The following TSHR variants were observed in gnomAD, a reference collection of about 807,000 sequenced individuals.
TSHR encodes thyrotropin receptor.
TSHR carries 51 observed loss-of-function variants against 64.1 expected under a neutral mutation model. The observed-to-expected ratio is 0.80, with a 90% CI of 0.64 to 1.01. The LOEUF is 1.01. TSHR is among the 50% of genes least tolerant of loss of function. The pLI is 0.00. For missense variants in TSHR, 877 were observed against 942.8 expected (o/e 0.93, Z 0.91); for synonymous variants, 361 against 361.9 (o/e 1.00, Z 0.03).
intron 1 of TSHR, among the ~76,000 whole-genome samples, chr14:80,975,719 A>C (rs1887832750): frequency 6.6e-6 from 1 of 152,082 alleles, no homozygotes; most frequent in Non-Finnish European, 1.5e-5. Context: ...ATTCTTTCCT[A>C]AGTTGAATGC....
chr14:80,959,139 T>A (rs1167498013), intron 1 of TSHR, among the ~76,000 whole-genome samples: 2 of 152,106 alleles, frequency 1.3e-5, no homozygotes, highest in Admixed American at 1.3e-4. Context: ...ACTGAAGAAG[T>A]GATGCTGTAT....
intron 1 of TSHR, among the ~76,000 whole-genome samples, chr14:81,015,113 A>G (rs116900026): frequency 0.012 from 1,805 of 152,278 alleles, 21 homozygotes; most frequent in African/African-American, 0.016. Context: ...ACTAAGCCAC[A>G]TGTTATTTTT....
chr14:80,961,005 G>A (rs562765963), intron 1 of TSHR, among the ~76,000 whole-genome samples: 1 of 152,342 alleles, frequency 6.6e-6, no homozygotes, highest in Admixed American at 6.5e-5. Context: ...CTGTATGGGA[G>A]CATTTGATTG....
chr14:81,035,246 T>C (rs1884563293), intron 1 of TSHR, among the ~76,000 whole-genome samples: 1 of 152,182 alleles, frequency 6.6e-6, no homozygotes. Flanking sequence ...ACAGTTTATC[T>C]GAAGTGTTGT....
intron 1 of TSHR, among the ~76,000 whole-genome samples, chr14:81,058,100 T>C (rs1271931814): frequency 1.3e-5 from 2 of 152,312 alleles, no homozygotes; most frequent in East Asian, 1.9e-4. Flanking sequence ...AACTGTCAGC[T>C]CTCTTTACAT....
intron 2 of TSHR, among the ~76,000 whole-genome samples, chr14:81,062,789 A>C (rs938437000): frequency 6.6e-6 from 1 of 152,180 alleles, no homozygotes; most frequent in Non-Finnish European, 1.5e-5. Flanking sequence ...GAAATGAAGC[A>C]GGTCTTTATT....
chr14:81,101,409 C>T (rs930404262), intron 7 of TSHR, among the ~76,000 whole-genome samples: 5 of 152,040 alleles, frequency 3.3e-5, no homozygotes, highest in African/African-American at 7.2e-5. Context: ...ATAATGAAAC[C>T]AATTTTACCA....
intron 1 of TSHR, among the ~76,000 whole-genome samples, chr14:81,010,547 A>G (rs1427910757): frequency 6.6e-6 from 1 of 152,016 alleles, no homozygotes; most frequent in Non-Finnish European, 1.5e-5. Flanking sequence ...GGTATATATG[A>G]GCACTATGGA....
At chr14:81,140,563 G>A (rs555673396) in intron 9 of TSHR, among the ~76,000 whole-genome samples, 58 of 152,306 alleles carry the variant, frequency 3.8e-4, no homozygotes, top group African/African-American at 1.4e-3. Flanking sequence ...ACATCAGGCT[G>A]CTTATGAGCC....
intron 1 of TSHR, among the ~76,000 whole-genome samples, chr14:81,025,210 A>G (rs931974905): frequency 1.3e-5 from 2 of 152,086 alleles, no homozygotes; most frequent in African/African-American, 4.8e-5. Flanking sequence ...TTTATAATAG[A>G]TTTGTATGTA....
At position 81,143,279 on chromosome 14, in the gene TSHR, G is replaced by T. The variant is rs138471706; in HGVS notation, c.1221G>T (p.Pro407=). ...CCCCCAAGTCCGATGAGTTCAACCC[G>T]TGTGAAGACATAATGGGCTACAAGT... ...VCTPKSDEFN[P]CEDIMGYKFL... Residue 407 remains proline (P), a synonymous_variant, in exon 10 of 10, where the codon CCG becomes CCT. Transcript: ENST00000298171. The T allele has an allele frequency of 6.2e-7, 1 of 1,614,166 alleles. No homozygotes were observed. The highest frequency in any genetic ancestry group is 8.5e-7 in the Non-Finnish European group (1 of 1,180,032).
intron 1 of TSHR, among the ~76,000 whole-genome samples, chr14:81,018,646 A>G (rs1369001575): frequency 1.3e-5 from 2 of 152,204 alleles, no homozygotes; most frequent in Non-Finnish European, 2.9e-5. Flanking sequence ...ACTTTTACCT[A>G]GAAATGAACC....
chr14:81,116,802 T>C lies in TSHR; in HGVS notation c.692+8350T>C, dbSNP rs1890534153. 2.6e-5 allele frequency among the ~76,000 whole-genome samples: 4 copies of C among 151,064 alleles called. No homozygotes were observed. In the South Asian group the frequency reaches 8.5e-4, roughly 32 times the overall value. Reference sequence around the variant, plus strand: ...TGGAAGTAAAGTTCTCCTCAGCAAATGTAAAAGAACACAAATTATAACAAA... The same window carrying C: ...TGGAAGTAAAGTTCTCCTCAGCAAACGTAAAAGAACACAAATTATAACAAA... On this transcript the variant is annotated intron_variant, in intron 8 of 9. Coordinates refer to ENST00000298171, the MANE Select transcript of TSHR (RefSeq NM_000369.5).
intron 3 of TSHR, among the ~76,000 whole-genome samples, chr14:81,079,865 A>G (rs1595067442): frequency 1.3e-5 from 2 of 151,948 alleles, no homozygotes; most frequent in East Asian, 1.9e-4. Flanking sequence ...CAAAAGAAAA[A>G]AAAAAAAAAA....
At chr14:81,028,468 AG>A (rs1030222241) in intron 1 of TSHR, among the ~76,000 whole-genome samples, 3 of 152,116 alleles carry the variant, frequency 2.0e-5, no homozygotes, top group Admixed American at 2.0e-4. Context: ...CTATCAAGAA[AG>A]GATCTCTGAT....
At chr14:81,065,818 T>C (rs1432410703) in intron 2 of TSHR, among the ~76,000 whole-genome samples, 1 of 152,184 alleles carries the variant, frequency 6.6e-6, no homozygotes, top group East Asian at 1.9e-4. Context: ...ATTTGATATA[T>C]CTTGGGGAGA....
intron 1 of TSHR, among the ~76,000 whole-genome samples, chr14:81,002,980 T>G (rs1213029767): frequency 6.7e-5 from 1 of 14,994 alleles, no homozygotes; most frequent in South Asian, 2.4e-3. Flanking sequence ...CCCTCCCCCC[T>G]CCCCCGACCC....
intron 8 of TSHR, among the ~76,000 whole-genome samples, chr14:81,121,459 T>A (rs1040077085): frequency 6.6e-6 from 1 of 152,198 alleles, no homozygotes; most frequent in Non-Finnish European, 1.5e-5. Context: ...TGATTTCCTG[T>A]TCACCTTTTC....
Position 81,073,015 on chromosome 14 carries a change from AAAATAAATATATAT to A in TSHR, c.317+4689_317+4702del. Among the ~76,000 whole-genome samples, 10 of 92,034 alleles carry A rather than the reference AAAATAAATATATAT, an allele frequency of 1.1e-4. 3 individuals carry two copies. The highest frequency in any genetic ancestry group is 3.4e-4 in the African/African-American group (8 of 23,566). 60.4% of individuals were successfully genotyped at this position (92,034 alleles called of 152,430 possible). A position where few individuals can be genotyped will look rare whatever the true frequency, so the allele number is the denominator to read the frequency against. On this transcript the variant is annotated intron_variant, in intron 3 of 9. Transcript: ENST00000298171. ...CCGTCTCAAAAAAAAAAAAAAATAA[AAAATAAATATATAT>A]ATATATATATATATATATATAAAAT...
Sources: allele counts gnomAD v4.1 joint callset (sites outside exome capture counted in the v4.1 genomes callset), GRCh38; gene constraint gnomAD v4.1.1; transcripts MANE v1.5; gene names NCBI Gene and HGNC (gene_info 2026-07-23, HGNC 2026-07-21).